The following STX8 variants were observed in gnomAD, a reference collection of about 807,000 sequenced individuals.
STX8 encodes syntaxin 8, also known as syntaxin-8.
STX8 carries 23 observed loss-of-function variants against 37.5 expected under a neutral mutation model. The observed-to-expected ratio is 0.61, with a 90% CI of 0.44 to 0.87. The LOEUF is 0.87. Among genes scored for constraint, STX8 ranks in the 40% least tolerant of loss-of-function variants. STX8 has a pLI of 0.00. For missense variants in STX8, 313 were observed against 284.7 expected (o/e 1.10, Z -0.71); for synonymous variants, 115 against 99.1 (o/e 1.16, Z -0.95).
At chr17:9,420,738 T>C (rs994836575) in intron 6 of STX8, among the ~76,000 whole-genome samples, 2 of 152,212 alleles carry the variant, frequency 1.3e-5, no homozygotes, top group African/African-American at 4.8e-5. Flanking sequence ...ACGGGGACAG[T>C]GTTCCTGCCG....
chr17:9,270,152 T>G (rs1252703012), intron 7 of STX8, among the ~76,000 whole-genome samples: 1 of 152,250 alleles, frequency 6.6e-6, no homozygotes, highest in Non-Finnish European at 1.5e-5. Flanking sequence ...TATATTTATG[T>G]TTTTGTTGAT....
At chr17:9,396,794 C>A (rs1423263532) in intron 6 of STX8, among the ~76,000 whole-genome samples, 4 of 150,360 alleles carry the variant, frequency 2.7e-5, no homozygotes, top group Non-Finnish European at 4.4e-5. Context: ...CCGAACTGTA[C>A]AGCACAAGGA....
intron 7 of STX8, among the ~76,000 whole-genome samples, chr17:9,349,331 T>TC (rs1910628927): frequency 6.8e-6 from 1 of 146,782 alleles, no homozygotes; most frequent in Non-Finnish European, 1.5e-5. Context: ...TTTTTTTTTT[T>TC]TTTTTTGAAA....
chr17:9,353,112 T>C (rs1910765412), intron 7 of STX8, among the ~76,000 whole-genome samples: 1 of 152,004 alleles, frequency 6.6e-6, no homozygotes. Flanking sequence ...ACCGTCAGAC[T>C]GGCCTTAAAC....
chr17:9,547,117 G>A (rs1171606543), intron 3 of STX8, among the ~76,000 whole-genome samples: 2 of 151,384 alleles, frequency 1.3e-5, no homozygotes, highest in Admixed American at 6.6e-5. Context: ...GCGTGGTGGC[G>A]TGCGCCTGTA....
chr17:9,463,526 A>G (rs1905481063), intron 6 of STX8, among the ~76,000 whole-genome samples: 1 of 152,104 alleles, frequency 6.6e-6, no homozygotes, highest in South Asian at 2.1e-4. Context: ...GCACTTTGGG[A>G]GGCTGAGGCA....
intron 4 of STX8, among the ~76,000 whole-genome samples, chr17:9,518,611 G>C (rs1277045713): frequency 6.6e-6 from 1 of 152,200 alleles, no homozygotes; most frequent in African/African-American, 2.4e-5. Flanking sequence ...GCTCATGCCT[G>C]TAATCCCAGC....
At chr17:9,453,389 G>A (rs1178471703) in intron 6 of STX8, among the ~76,000 whole-genome samples, 2 of 151,920 alleles carry the variant, frequency 1.3e-5, no homozygotes, top group Non-Finnish European at 2.9e-5. Context: ...TGGGACAGAT[G>A]GTGAAGGATA....
intron 7 of STX8, among the ~76,000 whole-genome samples, chr17:9,259,078 G>A (rs948582222): frequency 5.9e-5 from 9 of 152,166 alleles, no homozygotes; most frequent in South Asian, 2.1e-4. Context: ...AGTCTGGTGC[G>A]GTGGAAGGGG....
intron 7 of STX8, among the ~76,000 whole-genome samples, chr17:9,302,184 T>C (rs1042756275): frequency 4.6e-5 from 7 of 152,298 alleles, no homozygotes; most frequent in Middle Eastern, 3.4e-3. Flanking sequence ...TAGAAGATCA[T>C]TGAACCGTTA....
chr17:9,267,274 G>C (rs1026084838), intron 7 of STX8, among the ~76,000 whole-genome samples: 1 of 152,162 alleles, frequency 6.6e-6, no homozygotes, highest in African/African-American at 2.4e-5. Context: ...CCATCATGGA[G>C]ACAAAAAGAG....
At position 9,550,648 on chromosome 17, in the gene STX8, A is replaced by G. The variant is rs16958459; in HGVS notation, c.213-5366T>C. 5.2e-3 allele frequency among the ~76,000 whole-genome samples: 797 copies of G among 152,340 alleles called. 7 individuals are homozygous for G. Among genetic ancestry groups the G allele is most frequent in the African/African-American group, 0.019 (774 of 41,588 alleles). ...TTACTGATACCTACTACCAGCATGC[A>G]TAAGTCCAGCTTCTCTGCTGTAGCC... On this transcript the variant is annotated intron_variant, in intron 3 of 7. Transcript: ENST00000306357.
intron 6 of STX8, among the ~76,000 whole-genome samples, chr17:9,455,083 G>A (rs1033574242): frequency 6.6e-6 from 1 of 152,060 alleles, no homozygotes; most frequent in African/African-American, 2.4e-5. Context: ...AGGTGTGGTG[G>A]TGTGCACTTG....
chr17:9,562,262 C>T (rs1014882483), intron 2 of STX8, among the ~76,000 whole-genome samples: 2 of 152,024 alleles, frequency 1.3e-5, no homozygotes, highest in African/African-American at 2.4e-5. Flanking sequence ...AAAAATTAGC[C>T]GGGCATGGTG....
chr17:9,560,228 T>C (rs1444868153), intron 2 of STX8, among the ~76,000 whole-genome samples: 2 of 150,770 alleles, frequency 1.3e-5, no homozygotes, highest in African/African-American at 4.9e-5. Context: ...TGAAACCCTG[T>C]CACTACTAAA....
intron 6 of STX8, among the ~76,000 whole-genome samples, chr17:9,441,191 T>C (rs1344520348): frequency 2.0e-5 from 3 of 152,000 alleles, no homozygotes; most frequent in Admixed American, 6.5e-5. Context: ...ACAGGACCTT[T>C]AGAAATTTAG....
In STX8 at chr17:9,379,550, C is replaced by T. The variant is rs147682614; in HGVS notation, c.542-897G>A. ...GTGCTAATTTCTTCATCTCTCGCAA[C>T]GAGGCATATCGAGCAGTTGAAAAGT... On this transcript the variant is annotated intron_variant, in intron 6 of 7. Transcript: ENST00000306357. Among the ~76,000 whole-genome samples, 598 of 152,292 alleles carry T rather than the reference C, an allele frequency of 3.9e-3. 4 individuals are homozygous for T. The highest frequency in any genetic ancestry group is 0.014 in the African/African-American group (562 of 41,570).
chr17:9,424,346 C>A (rs1397423916), intron 6 of STX8, among the ~76,000 whole-genome samples: 2 of 151,982 alleles, frequency 1.3e-5, no homozygotes, highest in South Asian at 4.1e-4. Flanking sequence ...GCCCTGCCTA[C>A]TTTCTCAACC....
intron 2 of STX8, among the ~76,000 whole-genome samples, chr17:9,564,438 A>C (rs1185959177): frequency 6.6e-6 from 1 of 152,202 alleles, no homozygotes; most frequent in Non-Finnish European, 1.5e-5. Context: ...TGCAGACAAC[A>C]TGATCCTATA....
Sources: gnomAD v4.1 joint callset for allele counts (sites outside exome capture counted in the v4.1 genomes callset) on GRCh38, gnomAD v4.1.1 for gene constraint, MANE v1.5 for transcripts, NCBI Gene and HGNC (gene_info 2026-07-23, HGNC 2026-07-21) for gene names.